The following TNIP2 variants were observed in gnomAD, a reference collection of about 807,000 sequenced individuals.
The protein encoded by TNIP2 is TNFAIP3-interacting protein 2.
A neutral mutation model predicts 43.7 loss-of-function variants in TNIP2; 30 were observed. The observed-to-expected ratio is 0.69, with a 90% CI of 0.51 to 0.93. The LOEUF (loss-of-function observed/expected upper bound fraction) is 0.93. TNIP2 is among the 40% of genes least tolerant of loss of function. The probability of loss-of-function intolerance (pLI) is 0.00; values close to 1 mark genes in which losing one functional copy is unlikely to be tolerated. For synonymous variants in TNIP2, 260 were observed against 254.6 expected (o/e 1.02, Z -0.20); for missense variants, 599 against 591.0 (o/e 1.01, Z -0.14).
At chr4:2,745,028 A>G in intron 3 of TNIP2, 83 bp from the exon 4 acceptor site, 2 of 1,506,134 alleles carry the variant, frequency 1.3e-6, no homozygotes, top group African/African-American at 1.4e-5. Flanking sequence ...ATTATGTATT[A>G]GCAGTGATTC....
At chr4:2,749,531 G>C (rs1722049296) in intron 1 of TNIP2, among the ~76,000 whole-genome samples, 2 of 152,228 alleles carry the variant, frequency 1.3e-5, no homozygotes, top group Non-Finnish European at 2.9e-5. Flanking sequence ...ACGACCACGT[G>C]ACAACAAAGA....
chr4:2,744,127 G>A lies in TNIP2; in HGVS notation c.1026+260C>T, dbSNP rs1254034147. On this transcript the variant is annotated intron_variant, in intron 5 of 5. Coordinates refer to ENST00000315423, the MANE Select transcript of TNIP2 (RefSeq NM_024309.4). The surrounding 1 kb of genome is among the most constrained non-coding windows in gnomAD (Gnocchi z 5.1). ...CTCTGACTGCATGACAGTGACGGAC[G>A]GGCCCTGAGGACAGCCACCTCTGCT... Among the ~76,000 whole-genome samples the A allele has an allele frequency of 2.0e-5, 3 of 152,112 alleles. No homozygotes were observed. The highest frequency in any genetic ancestry group is 1.9e-4 in the East Asian group (1 of 5,192).
chr4:2,754,476 G>A (rs1722176317), intron 1 of TNIP2, among the ~76,000 whole-genome samples: 1 of 152,256 alleles, frequency 6.6e-6, no homozygotes, highest in African/African-American at 2.4e-5. Context: ...GAGTGCAGTG[G>A]CACAATCTCG....
At chr4:2,753,427 G>A (rs370186055) in intron 1 of TNIP2, among the ~76,000 whole-genome samples, 6 of 151,996 alleles carry the variant, frequency 3.9e-5, no homozygotes, top group African/African-American at 1.5e-4. Flanking sequence ...GTAACAGAGT[G>A]AGACCCTGTC....
Position 2,747,438 on chromosome 4 carries a change from C to T in TNIP2, c.567+217G>A, listed in dbSNP as rs554659720. 50 of 576,270 alleles carry T rather than the reference C, an allele frequency of 8.7e-5. No individual in the cohort carries two copies. In the African/African-American group the frequency reaches 8.7e-4, roughly 10 times the overall value. 35.7% of individuals were successfully genotyped at this position (576,270 alleles called of 1,614,324 possible). On this transcript the variant is annotated intron_variant, in intron 2 of 5. Coordinates refer to ENST00000315423, the MANE Select transcript of TNIP2 (RefSeq NM_024309.4). ...GGTCGGCCACAGGCCTGGTGCTGGG[C>T]AGTGAGGTGGCTGCCTGCTTTCCTA...
chr4:2,744,955 T>C lies in TNIP2; in HGVS notation c.658-10A>G. On this transcript the variant is annotated splice_polypyrimidine_tract_variant and intron_variant, in intron 3 of 5. Transcript: ENST00000315423. This position sits in a 1 kb window ranked among gnomAD's most constrained non-coding sequence, Gnocchi z 5.1. ...CATTGAGGTCTTCAACCTGAAGAGG[T>C]GGAGCCGGAAAGCTCACGGTGAAGG... 6.3e-7 allele frequency: 1 copy of C among 1,596,212 alleles called. No individual in the cohort carries two copies.
At position 2,742,466 on chromosome 4, in the gene TNIP2, A is replaced by G. The variant is rs553859999; in HGVS notation, c.1081T>C (p.Tyr361His). 3.1e-6 allele frequency: 5 copies of G among 1,609,016 alleles called. No individual in the cohort carries two copies. The highest frequency in any genetic ancestry group is 4.2e-6 in the Non-Finnish European group (5 of 1,177,162). The change falls in exon 6 of 6, where the codon TAT becomes CAT. Residue 361 changes from tyrosine (Y) to histidine (H), a missense_variant. Transcript: ENST00000315423. ...RIHAGSKTAK[Y>H]LAADALELMV... is the part of the protein sequence containing the mutation. The stretch of plus-strand genomic sequence containing the variant: ...AGCTCTAATGCGTCGGCGGCCAAAT[A>G]CTTGGCAGTTTTGCTCCCAGCGTGA...
chr4:2,751,012 G>A (rs950679003), intron 1 of TNIP2, among the ~76,000 whole-genome samples: 26 of 152,182 alleles, frequency 1.7e-4, no homozygotes, highest in Admixed American at 5.9e-4. Flanking sequence ...AGATCAGGAC[G>A]CAGGCTCTAC....
chr4:2,756,084 T>A lies in TNIP2; in HGVS notation c.206A>T (p.Glu69Val). ...AAPSLVDALL[E>V]QVARFREQLR... ...CTGCTCCCGGAAGCGCGCAACCTGC[T>A]CCAGCAGCGCGTCCACTAGGGACGG... The change falls in exon 1 of 6, where the codon GAG (glutamate) becomes GTG (valine). Residue 69 changes from glutamate to valine, a missense_variant. By Grantham distance (121) the Glu-to-Val change is moderately radical (BLOSUM62 -2). Transcript: ENST00000315423. 2 of 1,527,740 alleles carry A rather than the reference T, an allele frequency of 1.3e-6. No homozygotes were observed. Among genetic ancestry groups the A allele is most frequent in the Non-Finnish European group, 1.7e-6 (2 of 1,149,636 alleles). The allele number at this position is 1,527,740 out of a possible 1,614,324, so 94.6% of individuals were successfully genotyped here. A position where few individuals can be genotyped will look rare whatever the true frequency, so the allele number is the denominator to read the frequency against.
chr4:2,755,137 G>A (rs541206443), intron 1 of TNIP2, among the ~76,000 whole-genome samples: 27 of 152,012 alleles, frequency 1.8e-4, no homozygotes, highest in African/African-American at 6.5e-4. Flanking sequence ...AGGGACTCTA[G>A]AACACAATAT....
intron 3 of TNIP2, 160 bp downstream of exon 3, chr4:2,745,286 G>C (rs367858898): frequency 7.8e-6 from 5 of 643,892 alleles, no homozygotes; most frequent in African/African-American, 5.4e-5. Flanking sequence ...TGTCCCGTAC[G>C]TCGTTTTAAG....
intron 3 of TNIP2, among the ~76,000 whole-genome samples, 199 bp from the exon 4 acceptor site, chr4:2,745,144 C>G (rs138653195): frequency 2.0e-5 from 3 of 152,204 alleles, no homozygotes; most frequent in African/African-American, 7.2e-5. Flanking sequence ...GACACCCGTA[C>G]GCAAGCAGCA....
chr4:2,743,529 T>C (rs1187158511), intron 5 of TNIP2, among the ~76,000 whole-genome samples: 1 of 152,134 alleles, frequency 6.6e-6, no homozygotes, highest in Non-Finnish European at 1.5e-5. Context: ...CCCGTGCCCT[T>C]CATGCGGAGG....
Position 2,744,348 on chromosome 4 carries a change from C to T in TNIP2, c.1026+39G>A, listed in dbSNP as rs772642920. On this transcript the variant is annotated intron_variant, in intron 5 of 5. Coordinates refer to ENST00000315423, the MANE Select transcript of TNIP2 (RefSeq NM_024309.4). This position sits in a 1 kb window ranked among gnomAD's most constrained non-coding sequence, Gnocchi z 5.1. ...TCTCATGAGAAGAGAAACAAAAACA[C>T]TAAACCTAAGCAGGAAGAAAAACGC... 6.2e-7 allele frequency: 1 copy of T among 1,613,332 alleles called. No homozygotes were observed. Among genetic ancestry groups the T allele is most frequent in the Non-Finnish European group, 8.5e-7 (1 of 1,179,652 alleles).
At chr4:2,752,866 C>T (rs1431233257) in intron 1 of TNIP2, among the ~76,000 whole-genome samples, 1 of 151,920 alleles carries the variant, frequency 6.6e-6, no homozygotes, top group East Asian at 1.9e-4. Context: ...CAACATCATG[C>T]GACCCCTTCT....
rs759796733 is a variant in TNIP2 at position 2,744,521 on chromosome 4, GAC to G, written c.907-17_907-16del. 5.3e-5 allele frequency: 85 copies of G among 1,614,050 alleles called. No homozygotes were observed. The Middle Eastern group carries it at 8.2e-4, about 16-fold the overall frequency. Reference sequence around the variant, plus strand: ...TAAGCGAGAATCTGAAGAGAGGCGAGACACACATTTCTGCTCAAGGAAGGAGG... The same window carrying G: ...TAAGCGAGAATCTGAAGAGAGGCGAGACACATTTCTGCTCAAGGAAGGAGG... On this transcript the variant is annotated splice_polypyrimidine_tract_variant and intron_variant, in intron 4 of 5. Coordinates refer to ENST00000315423, the MANE Select transcript of TNIP2 (RefSeq NM_024309.4). The surrounding 1 kb of genome is among the most constrained non-coding windows in gnomAD (Gnocchi z 5.1).
In TNIP2 at chr4:2,742,161, A is replaced by G; in HGVS notation, c.*96T>C. On this transcript the variant is annotated 3_prime_UTR_variant, in exon 6 of 6. Coordinates refer to ENST00000315423, the MANE Select transcript of TNIP2 (RefSeq NM_024309.4). ...AACTATTCTAGGGGCCTTGGCTCTC[A>G]GTAGAGCTCAACCCATGGCATCTGA... is the stretch of plus-strand genomic sequence containing the variant. 3 of 1,248,064 alleles carry G rather than the reference A, an allele frequency of 2.4e-6. No homozygotes were observed. Among genetic ancestry groups the G allele is most frequent in the Non-Finnish European group, 3.1e-6 (3 of 953,000 alleles). The allele number at this position is 1,248,064 out of a possible 1,614,324, so 77.3% of individuals were successfully genotyped here. A position where few individuals can be genotyped will look rare whatever the true frequency, so the allele number is the denominator to read the frequency against.
intron 1 of TNIP2, among the ~76,000 whole-genome samples, chr4:2,754,799 C>T (rs1304206669): frequency 1.3e-5 from 2 of 152,352 alleles, no homozygotes; most frequent in South Asian, 4.1e-4. Context: ...GATCTTGGCT[C>T]ACTGCAACCT....
rs975640929 is a variant in TNIP2 at position 2,742,052 on chromosome 4, A to T, written c.*205T>A. ...TGTTCCTGACCCCATCTCCACCTCCAGCCTCCAGCCTCACTGGCAGTTCCC... is the reference window on the plus strand; with the variant it reads ...TGTTCCTGACCCCATCTCCACCTCCTGCCTCCAGCCTCACTGGCAGTTCCC... On this transcript the variant is annotated 3_prime_UTR_variant, in exon 6 of 6. Transcript: ENST00000315423. The T allele has an allele frequency of 4.6e-6, 2 of 431,666 alleles. No individual in the cohort carries two copies. Among genetic ancestry groups the T allele is most frequent in the Non-Finnish European group, 7.9e-6 (2 of 254,640 alleles). The allele number at this position is 431,666 out of a possible 1,614,324, so 26.7% of individuals were successfully genotyped here.
Sources: gnomAD v4.1 joint callset for allele counts (sites outside exome capture counted in the v4.1 genomes callset) on GRCh38, gnomAD v4.1.1 for gene constraint, Gnocchi (gnomAD v3.1) non-coding constraint, MANE v1.5 for transcripts, NCBI Gene and HGNC (gene_info 2026-07-23, HGNC 2026-07-21) for gene names.